The following FMN1 variants were observed in gnomAD, a reference collection of about 807,000 sequenced individuals.
FMN1 encodes formin-1.
In FMN1, 110 loss-of-function variants were observed where a neutral mutation model predicts 132.4. The ratio of observed to expected loss-of-function variants is 0.83; its 90% CI spans 0.71 to 0.97. FMN1 has a LOEUF of 0.97. Among genes scored for constraint, FMN1 ranks in the 50% least tolerant of loss-of-function variants. FMN1 has a pLI of 0.00. For missense variants in FMN1, 1,792 were observed against 1,705.3 expected (o/e 1.05, Z -0.90); for synonymous variants, 722 against 651.7 (o/e 1.11, Z -1.64).
At chr15:33,068,104 G>C in intron 5 of FMN1, 1 of 1,254,602 alleles carries the variant, frequency 8.0e-7, no homozygotes, top group African/African-American at 1.5e-5. Flanking sequence ...TGAAAAATCT[G>C]TGGAGTCTAT....
At position 32,950,032 on chromosome 15, in the gene FMN1, TACAC is replaced by T. The variant is rs1287066937; in HGVS notation, c.3138+14071_3138+14074del. Among the ~76,000 whole-genome samples the T allele has an allele frequency of 5.0e-3, 22 of 4,426 alleles. 1 individual carries two copies. Among genetic ancestry groups the T allele is most frequent in the African/African-American group, 6.9e-3 (14 of 2,026 alleles). 2.9% of individuals were successfully genotyped at this position (4,426 alleles called of 152,430 possible). On this transcript the variant is annotated intron_variant, in intron 9 of 20. Coordinates refer to ENST00000616417, the MANE Select transcript of FMN1 (RefSeq NM_001277313.2). ...ATATATATACACATATATATATATATACACATATATATATATATACACATATATA... is the reference window on the plus strand; with the variant it reads ...ATATATATACACATATATATATATATATATATATATATATACACATATATA...
chr15:33,069,993 C>CTCTCTTTTTTTTTTTTTT (rs398026774), intron 5 of FMN1, among the ~76,000 whole-genome samples: 1 of 74,292 alleles, frequency 1.3e-5, no homozygotes, highest in Non-Finnish European at 2.5e-5. Flanking sequence ...CAGTCTTTCT[C>CTCTCTTTTTTTTTTTTTT]TTTTTTTTTT....
intron 14 of FMN1, among the ~76,000 whole-genome samples, chr15:32,899,248 C>T (rs1403372135): frequency 6.6e-6 from 1 of 152,144 alleles, no homozygotes; most frequent in Non-Finnish European, 1.5e-5. Flanking sequence ...AGAAAAGCAC[C>T]CTCCCTGCCC....
chr15:32,975,099 T>C (rs1299143077), intron 7 of FMN1, among the ~76,000 whole-genome samples: 1 of 152,240 alleles, frequency 6.6e-6, no homozygotes, highest in African/African-American at 2.4e-5. Flanking sequence ...TTATCCATTT[T>C]CGCCTGGTGA....
chr15:32,775,658 G>A (rs975515186), intron 20 of FMN1, among the ~76,000 whole-genome samples: 1 of 152,242 alleles, frequency 6.6e-6, no homozygotes, highest in East Asian at 1.9e-4. Flanking sequence ...GGCTTTCCCC[G>A]ACCAAAAAGT....
At chr15:32,984,869 C>T (rs1222734772) in intron 7 of FMN1, among the ~76,000 whole-genome samples, 5 of 149,296 alleles carry the variant, frequency 3.3e-5, no homozygotes, top group Non-Finnish European at 7.4e-5. Flanking sequence ...GTTTTGTTGA[C>T]ATTTTTTGCA....
rs551945029 is a variant in FMN1, at chr15:33,125,718, A to T, written c.1867+27330T>A. On this transcript the variant is annotated intron_variant, in intron 4 of 20. Coordinates refer to ENST00000616417, the MANE Select transcript of FMN1 (RefSeq NM_001277313.2). ...GTCAGGTGTCTCAAAAAAAAAAAAA[A>T]ATTAAGAATGAAGTCTGTTAAATGG... 3.2e-4 allele frequency among the ~76,000 whole-genome samples: 49 copies of T among 151,146 alleles called. No individual in the cohort carries two copies. In the East Asian group the frequency reaches 8.0e-3, roughly 25 times the overall value.
chr15:32,908,746 CACAAGA>C (rs529717480), intron 11 of FMN1, among the ~76,000 whole-genome samples, 168 bp from the exon 12 acceptor site: 89 of 151,964 alleles, frequency 5.9e-4, no homozygotes, highest in African/African-American at 2.1e-3. Context: ...CCACCCTAGA[CACAAGA>C]ACTTGGGGTG....
At chr15:32,878,586 T>A (rs1053352196) in intron 16 of FMN1, among the ~76,000 whole-genome samples, 5 of 152,186 alleles carry the variant, frequency 3.3e-5, no homozygotes, top group African/African-American at 1.2e-4. Context: ...AGGAAAAGTA[T>A]GACACATTTG....
intron 4 of FMN1, among the ~76,000 whole-genome samples, chr15:33,096,927 C>A (rs1194272944): frequency 1.3e-5 from 2 of 152,138 alleles, no homozygotes; most frequent in East Asian, 3.9e-4. Context: ...ACACATACTT[C>A]AGACTGGTTG....
At chr15:33,175,079 G>A (rs574004827) in intron 3 of FMN1, among the ~76,000 whole-genome samples, 1 of 151,962 alleles carries the variant, frequency 6.6e-6, no homozygotes, top group South Asian at 2.1e-4. Context: ...AAGGTGGAGT[G>A]CAGTGGCATG....
intron 7 of FMN1, among the ~76,000 whole-genome samples, chr15:32,995,049 T>C (rs754484421): frequency 1.3e-5 from 2 of 152,260 alleles, no homozygotes; most frequent in East Asian, 1.9e-4. Flanking sequence ...GGTGAGATTG[T>C]GGAATGACTC....
chr15:32,812,085 G>C (rs2057903114), intron 17 of FMN1, among the ~76,000 whole-genome samples: 1 of 152,052 alleles, frequency 6.6e-6, no homozygotes, highest in African/African-American at 2.4e-5. Flanking sequence ...TGGGCACCTG[G>C]GGCTGTTCTC....
chr15:32,990,892 C>T (rs531423001), intron 7 of FMN1, among the ~76,000 whole-genome samples: 9 of 152,076 alleles, frequency 5.9e-5, no homozygotes, highest in African/African-American at 1.7e-4. Context: ...CTCACTCTCA[C>T]GAGAATAGCA....
At chr15:33,107,966 CA>C (rs1327817526) in intron 4 of FMN1, among the ~76,000 whole-genome samples, 1 of 152,084 alleles carries the variant, frequency 6.6e-6, no homozygotes, top group African/African-American at 2.4e-5. Flanking sequence ...GATCTTCTAT[CA>C]TGAAAATAAC....
chr15:33,190,556 A>T (rs575594986), intron 2 of FMN1, among the ~76,000 whole-genome samples: 2 of 152,272 alleles, frequency 1.3e-5, no homozygotes, highest in East Asian at 3.9e-4. Flanking sequence ...ATAGATACTC[A>T]CGTGGGGGAA....
chr15:32,877,386 T>C (rs1018476006), intron 16 of FMN1, among the ~76,000 whole-genome samples: 5 of 152,028 alleles, frequency 3.3e-5, no homozygotes, highest in African/African-American at 1.2e-4. Context: ...AGAGAATACC[T>C]GAGATGCAAG....
chr15:32,925,305 T>C (rs998652121), intron 10 of FMN1, among the ~76,000 whole-genome samples: 1 of 152,182 alleles, frequency 6.6e-6, no homozygotes, highest in Non-Finnish European at 1.5e-5. Flanking sequence ...TAATAAGTGC[T>C]CACTAACATC....
chr15:32,975,273 G>A (rs2032111283), intron 7 of FMN1, among the ~76,000 whole-genome samples: 1 of 152,112 alleles, frequency 6.6e-6, no homozygotes, highest in African/African-American at 2.4e-5. Flanking sequence ...AAAAACTCCA[G>A]GCAGTTGGGG....
Sources: gnomAD v4.1 joint callset for allele counts (sites outside exome capture counted in the v4.1 genomes callset) on GRCh38, gnomAD v4.1.1 for gene constraint, MANE v1.5 for transcripts, NCBI Gene and HGNC (gene_info 2026-07-23, HGNC 2026-07-21) for gene names.